Variants in PDXK observed in about 807,000 individuals in gnomAD.
PDXK encodes the protein pyridoxal kinase.
In PDXK, 15 loss-of-function variants were observed where a neutral mutation model predicts 43.2. The ratio of observed to expected loss-of-function variants is 0.35; its 90% confidence interval spans 0.23 to 0.53. The LOEUF (loss-of-function observed/expected upper bound fraction) is 0.53. Ranked by LOEUF, PDXK falls within the 20% of genes least tolerant of loss-of-function variation. The pLI, the probability that PDXK is intolerant of heterozygous loss-of-function variation, is 0.92. For synonymous variants in PDXK, 172 were observed against 165.4 expected (o/e 1.04, Z -0.31); for missense variants, 343 against 417.0 (o/e 0.82, Z 1.54).
intron 4 of PDXK, among the ~76,000 whole-genome samples, chr21:43,744,804 T>G (rs1181080271): frequency 1.3e-5 from 2 of 152,230 alleles, no homozygotes; most frequent in Non-Finnish European, 2.9e-5. Flanking sequence ...CAAGCGGATG[T>G]GCGTATTCCC....
intron 7 of PDXK, among the ~76,000 whole-genome samples, chr21:43,750,937 T>C (rs900581537): frequency 1.0e-4 from 15 of 145,802 alleles, no homozygotes; most frequent in East Asian, 6.1e-4. Context: ...TGCGTATGTG[T>C]GCACGTGTTT....
At chr21:43,751,165 C>T (rs940589941) in intron 7 of PDXK, among the ~76,000 whole-genome samples, 9 of 152,146 alleles carry the variant, frequency 5.9e-5, no homozygotes, top group African/African-American at 9.7e-5. Flanking sequence ...GGAGACCGTG[C>T]GTGTCTTGCT....
At chr21:43,733,723 ATTGT>A (rs1285135821) in intron 1 of PDXK, 69 of 1,060,282 alleles carry the variant, frequency 6.5e-5, no homozygotes, top group Non-Finnish European at 8.1e-5. Flanking sequence ...CCTTCGTTTT[ATTGT>A]TTGTTAGTCT....
intron 1 of PDXK, among the ~76,000 whole-genome samples, chr21:43,727,127 G>A (rs990373059): frequency 5.9e-5 from 9 of 152,190 alleles, no homozygotes; most frequent in African/African-American, 1.9e-4. Context: ...TCCGCAGAAC[G>A]GGCAGCTTCG....
chr21:43,745,953 C>A, intron 4 of PDXK, 126 bp from the exon 5 acceptor site: 1 of 760,812 alleles, frequency 1.3e-6, no homozygotes, highest in Non-Finnish European at 2.3e-6. Flanking sequence ...ACCATGATTG[C>A]ACCACTGCAC....
At position 43,748,978 on chromosome 21, in the gene PDXK, T is replaced by C. The variant is rs1055881301; in HGVS notation, c.379-17T>C. 7.3e-5 allele frequency: 112 copies of C among 1,537,074 alleles called. 1 individual carries two copies. In the East Asian group the frequency reaches 2.5e-3, roughly 35 times the overall value. ...CACGGTGACTCAGCCTCTCCTCCTG[T>C]CTCCTTTGTTGGCCAGTACGTCCCG... On this transcript the variant is annotated splice_polypyrimidine_tract_variant and intron_variant, in intron 5 of 10. Transcript: ENST00000291565.
chr21:43,743,683 T>A (rs1456950478), intron 3 of PDXK, 41 bp from the exon 4 acceptor site: 4 of 1,353,998 alleles, frequency 3.0e-6, no homozygotes, highest in Non-Finnish European at 4.2e-6. Flanking sequence ...TCGTGGTGAG[T>A]CTCCTGTTTT....
rs779417285 is a variant in PDXK at position 43,732,512 on chromosome 21, C to G, written c.88-1557C>G. 2.9e-6 allele frequency: 4 copies of G among 1,360,614 alleles called. No homozygotes were observed. In the East Asian group the frequency reaches 9.1e-5, roughly 31 times the overall value. The allele number at this position is 1,360,614 out of a possible 1,614,324, so 84.3% of individuals were successfully genotyped here. A position where few individuals can be genotyped will look rare whatever the true frequency, so the allele number is the denominator to read the frequency against. On this transcript the variant is annotated intron_variant, in intron 1 of 10. Transcript: ENST00000291565. The surrounding 1 kb of genome is among the most constrained non-coding windows in gnomAD (Gnocchi z 4.1). ...GCTCTCATTTAAAAGCAGAAAATAG[C>G]GACTTCATTCTCGGATACGTTTGCC...
At chr21:43,743,678 G>A (rs1179080546) in intron 3 of PDXK, 46 bp from the exon 4 acceptor site, 2 of 1,320,860 alleles carry the variant, frequency 1.5e-6, no homozygotes, top group African/African-American at 2.9e-5. Context: ...GTTGATCGTG[G>A]TGAGTCTCCT....
intron 7 of PDXK, among the ~76,000 whole-genome samples, chr21:43,752,287 G>A (rs146333648): frequency 6.6e-6 from 1 of 152,366 alleles, no homozygotes; most frequent in Non-Finnish European, 1.5e-5. Context: ...GTCACCTGTG[G>A]GGAGCCACAC....
chr21:43,736,374 G>A (rs902370121), intron 2 of PDXK, among the ~76,000 whole-genome samples: 2 of 152,188 alleles, frequency 1.3e-5, no homozygotes, highest in African/African-American at 4.8e-5. Flanking sequence ...CATCGTGCGT[G>A]CCCAGGACCA....
rs151192783 is a variant in PDXK, at chr21:43,729,961, A to C, written c.88-4108A>C. On this transcript the variant is annotated intron_variant, in intron 1 of 10. Transcript: ENST00000291565. ...CCTGTCTCAAAAAAAGAAAACCAAA[A>C]CAAAACAAAAAAAACAAAAAACAAA... Among the ~76,000 whole-genome samples the C allele has an allele frequency of 4.2e-3, 633 of 151,934 alleles. 5 individuals carry two copies. The highest frequency in any genetic ancestry group is 0.013 in the African/African-American group (546 of 41,412).
At chr21:43,740,001 A>G (rs987144313) in intron 2 of PDXK, among the ~76,000 whole-genome samples, 1 of 151,328 alleles carries the variant, frequency 6.6e-6, no homozygotes, top group Non-Finnish European at 1.5e-5. Flanking sequence ...AGTGGATACC[A>G]CCTGCCCCTC....
In PDXK at chr21:43,719,316, C is replaced by T. The variant is rs1237578704; in HGVS notation, c.22C>T (p.Leu8Phe). Residue 8 changes from leucine (L) to phenylalanine (F), a missense_variant, in exon 1 of 11, where the codon CTC becomes TTC. Coordinates refer to ENST00000291565, the MANE Select transcript of PDXK (RefSeq NM_003681.5). ...CGGCATGGAGGAGGAGTGCCGGGTG[C>T]TCTCCATACAGAGCCACGTCATCCG... is the stretch of plus-strand genomic sequence containing the variant. MEEECRV[L>F]SIQSHVIRGY... 2 of 1,500,438 alleles carry T rather than the reference C, an allele frequency of 1.3e-6. No homozygotes were observed. Among genetic ancestry groups the T allele is most frequent in the Non-Finnish European group, 1.8e-6 (2 of 1,125,658 alleles). The allele number at this position is 1,500,438 out of a possible 1,614,324, so 92.9% of individuals were successfully genotyped here.
chr21:43,740,028 TTA>T (rs2083467337), intron 2 of PDXK, among the ~76,000 whole-genome samples: 1 of 151,890 alleles, frequency 6.6e-6, no homozygotes, highest in Non-Finnish European at 1.5e-5. Flanking sequence ...CCAGTGACTG[TTA>T]ACCCAGAGTC....
At chr21:43,726,299 G>A (rs1368751475) in intron 1 of PDXK, among the ~76,000 whole-genome samples, 6 of 132,668 alleles carry the variant, frequency 4.5e-5, no homozygotes, top group African/African-American at 1.5e-4. Flanking sequence ...TTGAGACGGA[G>A]TCTCACTCTG....
In PDXK at chr21:43,756,438, G is replaced by A. The variant is rs547234266; in HGVS notation, c.*375G>A. ...GCCACTACCGTACAGAGGCCGTGTCGCGCTGGGCTGGGCCTGGGTGGCCTC... is the reference window on the plus strand; with the variant it reads ...GCCACTACCGTACAGAGGCCGTGTCACGCTGGGCTGGGCCTGGGTGGCCTC... On this transcript the variant is annotated 3_prime_UTR_variant, in exon 11 of 11. Transcript: ENST00000291565. The A allele has an allele frequency of 6.8e-4, 132 of 194,648 alleles. No individual in the cohort carries two copies. Among genetic ancestry groups the A allele is most frequent in the Middle Eastern group, 2.1e-3 (1 of 474 alleles). 12.1% of individuals were successfully genotyped at this position (194,648 alleles called of 1,614,324 possible).
chr21:43,719,413 A>G, intron 1 of PDXK, 32 bp downstream of exon 1: 1 of 1,503,606 alleles, frequency 6.7e-7, no homozygotes, highest in Non-Finnish European at 8.9e-7. Context: ...GGGCTTACGT[A>G]ACCCGAGCCC....
In PDXK at chr21:43,759,841, C is replaced by T. The variant is rs1043608432; in HGVS notation, c.*3778C>T. On this transcript the variant is annotated 3_prime_UTR_variant, in exon 11 of 11. Coordinates refer to ENST00000291565, the MANE Select transcript of PDXK (RefSeq NM_003681.5). ...TGAGACTCGCTGGAGAGGCGGCTCC[C>T]GTGTCCGTCCACCGAGCACTCAGAT... 1.3e-5 allele frequency: 2 copies of T among 152,234 alleles called. No individual in the cohort carries two copies. Among genetic ancestry groups the T allele is most frequent in the Non-Finnish European group, 2.9e-5 (2 of 68,062 alleles). 9.4% of individuals were successfully genotyped at this position (152,234 alleles called of 1,614,324 possible).
Sources: allele counts gnomAD v4.1 joint callset (sites outside exome capture counted in the v4.1 genomes callset), GRCh38; gene constraint gnomAD v4.1.1; non-coding constraint Gnocchi (gnomAD v3.1); transcripts MANE v1.5; gene names NCBI Gene and HGNC (gene_info 2026-07-23, HGNC 2026-07-21).